Variants in EGFR observed in about 807,000 individuals in gnomAD.
EGFR encodes the protein avian erythroblastic leukemia viral (v-erb-b) oncogene homolog.
In EGFR, 58 loss-of-function variants were observed where a neutral mutation model predicts 143.0. That is an observed-to-expected ratio of 0.41 (90% CI 0.33 to 0.50). EGFR has a LOEUF of 0.50. Ranked by LOEUF, EGFR falls within the 20% of genes least tolerant of loss-of-function variation. The pLI, the probability that EGFR is intolerant of heterozygous loss-of-function variation, is 0.39. For synonymous variants in EGFR, 613 were observed against 594.4 expected, an observed-to-expected ratio of 1.03 and a Z score of -0.45; for missense variants, 1,307 against 1,579.0, an observed-to-expected ratio of 0.83 and a Z score of 2.92.
At chr7:55,166,202 A>C (rs1230306122) in intron 15 of EGFR, 1 of 499,584 alleles carries the variant, frequency 2.0e-6, no homozygotes, top group Non-Finnish European at 3.9e-6. Context: ...TAGCAGAAGC[A>C]CTCTGATTGT....
chr7:55,088,971 A>G (rs1407487515), intron 1 of EGFR, among the ~76,000 whole-genome samples: 5 of 152,224 alleles, frequency 3.3e-5, no homozygotes, highest in Admixed American at 3.3e-4. Flanking sequence ...ATTAGAGGGT[A>G]AAAAGCAAGA....
At chr7:55,161,017 G>C (rs1247744271) in intron 12 of EGFR, among the ~76,000 whole-genome samples, 1 of 152,190 alleles carries the variant, frequency 6.6e-6, no homozygotes, top group Non-Finnish European at 1.5e-5. Context: ...ATCAGCTGTG[G>C]GATTTGTCAT....
At chr7:55,024,431 G>C (rs1026141498) in intron 1 of EGFR, among the ~76,000 whole-genome samples, 3 of 152,194 alleles carry the variant, frequency 2.0e-5, no homozygotes, top group African/African-American at 7.2e-5. Context: ...TTTTCAAGGA[G>C]AGACTCGGAG....
intron 11 of EGFR, among the ~76,000 whole-genome samples, chr7:55,159,877 T>G (rs1785610225): frequency 6.6e-6 from 1 of 152,170 alleles, no homozygotes; most frequent in African/African-American, 2.4e-5. Flanking sequence ...GAAAATATAA[T>G]GACATTAAGG....
chr7:55,189,755 A>G (rs1236797654), intron 20 of EGFR, among the ~76,000 whole-genome samples: 7 of 152,242 alleles, frequency 4.6e-5, no homozygotes, highest in African/African-American at 1.7e-4. Context: ...CAAAAGGTAC[A>G]AATGTGAAGA....
chr7:55,078,991 T>A (rs1296879296), intron 1 of EGFR, among the ~76,000 whole-genome samples: 1 of 152,166 alleles, frequency 6.6e-6, no homozygotes, highest in Non-Finnish European at 1.5e-5. Flanking sequence ...CTATTCCGTT[T>A]GGCTTCAGAA....
chr7:55,054,737 T>C lies in EGFR; in HGVS notation c.88+35372T>C, dbSNP rs17289043. 6.8e-3 allele frequency among the ~76,000 whole-genome samples: 1,032 copies of C among 152,320 alleles called. 10 individuals carry two copies. Among genetic ancestry groups the C allele is most frequent in the African/African-American group, 0.023 (968 of 41,572 alleles). On this transcript the variant is annotated intron_variant, in intron 1 of 27. Coordinates refer to ENST00000275493, the MANE Select transcript of EGFR (RefSeq NM_005228.5). ...CCTTGCGGGGCAGTGGGCAGCACCG[T>C]GCCTCCGTTCACACCACTCACATGG... is the stretch of plus-strand genomic sequence containing the variant.
At chr7:55,049,869 A>G (rs1312033085) in intron 1 of EGFR, among the ~76,000 whole-genome samples, 1 of 152,152 alleles carries the variant, frequency 6.6e-6, no homozygotes, top group Non-Finnish European at 1.5e-5. Context: ...ATCATCTTTA[A>G]GTTCAGAATT....
intron 1 of EGFR, among the ~76,000 whole-genome samples, chr7:55,041,737 G>A (rs1192382272): frequency 6.6e-6 from 1 of 152,180 alleles, no homozygotes; most frequent in East Asian, 1.9e-4. Context: ...AAACAGTTAT[G>A]TCCAAAGGAG....
intron 3 of EGFR, among the ~76,000 whole-genome samples, chr7:55,144,993 T>C (rs1169195824): frequency 6.6e-6 from 1 of 152,190 alleles, no homozygotes; most frequent in Non-Finnish European, 1.5e-5. Flanking sequence ...GGTATGATTG[T>C]TTTTTAAACC....
chr7:55,129,183 G>A (rs1188501253), intron 1 of EGFR, among the ~76,000 whole-genome samples: 1 of 152,210 alleles, frequency 6.6e-6, no homozygotes, highest in Non-Finnish European at 1.5e-5. Flanking sequence ...AAGCCGTGGG[G>A]ACTACAGAAG....
At chr7:55,064,660 C>T (rs948853964) in intron 1 of EGFR, among the ~76,000 whole-genome samples, 1 of 152,132 alleles carries the variant, frequency 6.6e-6, no homozygotes, top group Non-Finnish European at 1.5e-5. Flanking sequence ...CTTGTATTTC[C>T]ACAAAGGATT....
chr7:55,129,777 C>A (rs1302189723), intron 1 of EGFR, among the ~76,000 whole-genome samples: 34 of 152,130 alleles, frequency 2.2e-4, no homozygotes, highest in Admixed American at 2.2e-3. Context: ...CTAAGAAAAT[C>A]CTTTTGGAGT....
chr7:55,044,587 C>T (rs1375637372), intron 1 of EGFR, among the ~76,000 whole-genome samples: 2 of 152,192 alleles, frequency 1.3e-5, no homozygotes, highest in African/African-American at 4.8e-5. Context: ...TGGAACAGAG[C>T]AGCACACCTG....
intron 1 of EGFR, among the ~76,000 whole-genome samples, chr7:55,129,678 G>A (rs1175086872): frequency 6.6e-6 from 1 of 152,148 alleles, no homozygotes; most frequent in Non-Finnish European, 1.5e-5. Context: ...ACAATCCCCA[G>A]CCCCTGCATT....
chr7:55,083,689 GA>G (rs34751800), intron 1 of EGFR, among the ~76,000 whole-genome samples: 26 of 151,824 alleles, frequency 1.7e-4, no homozygotes, highest in African/African-American at 6.0e-4. Flanking sequence ...TTTTCTTCCT[GA>G]AAAAAAATGG....
chr7:55,074,435 C>T (rs1790018592), intron 1 of EGFR, among the ~76,000 whole-genome samples: 1 of 152,212 alleles, frequency 6.6e-6, no homozygotes, highest in African/African-American at 2.4e-5. Context: ...CAGCTGGCCC[C>T]CTGGCCTGGT....
chr7:55,040,215 C>T (rs1272508351), intron 1 of EGFR, among the ~76,000 whole-genome samples: 1 of 152,114 alleles, frequency 6.6e-6, no homozygotes, highest in East Asian at 1.9e-4. Flanking sequence ...ATCCCCCACC[C>T]GCAGCCTCAA....
At chr7:55,201,645 C>T (rs1010446080) in intron 25 of EGFR, 90 bp from the exon 26 acceptor site, 1 of 1,487,034 alleles carries the variant, frequency 6.7e-7, no homozygotes, top group East Asian at 2.3e-5. Context: ...TCACAATATA[C>T]CCTCCATGAG....
Sources: allele counts gnomAD v4.1 joint callset (sites outside exome capture counted in the v4.1 genomes callset), GRCh38; gene constraint gnomAD v4.1.1; transcripts MANE v1.5; gene names NCBI Gene and HGNC (gene_info 2026-07-23, HGNC 2026-07-21).